UGT1A3: variants seen among roughly 807,000 people sequenced by gnomAD.
UGT1A3 encodes UDP-glucuronosyltransferase 1A3.
UGT1A3 carries 31 observed loss-of-function variants against 41.0 expected under a neutral mutation model. The observed-to-expected ratio is 0.76, with a 90% CI of 0.57 to 1.02. UGT1A3 has a LOEUF of 1.02. UGT1A3 is among the 50% of genes least tolerant of loss of function. UGT1A3 has a pLI of 0.00. For missense variants in UGT1A3, 737 were observed against 671.0 expected (o/e 1.10, Z -1.09); for synonymous variants, 262 against 257.6 (o/e 1.02, Z -0.17).
At chr2:233,761,128 C>T in intron 1 of UGT1A3, 1 of 1,614,190 alleles carries the variant, frequency 6.2e-7, no homozygotes, top group Non-Finnish European at 8.5e-7. Context: ...AATCAACTGC[C>T]TTCACCAAAA....
intron 1 of UGT1A3, chr2:233,754,408 C>G (rs1318751129): frequency 8.8e-6 from 3 of 340,794 alleles, no homozygotes; most frequent in African/African-American, 6.4e-5. Flanking sequence ...GCAGTCCCAA[C>G]AATAAAGACA....
At chr2:233,756,874 G>C (rs1221596581) in intron 1 of UGT1A3, among the ~76,000 whole-genome samples, 1 of 152,098 alleles carries the variant, frequency 6.6e-6, no homozygotes, top group Non-Finnish European at 1.5e-5. Context: ...GGTATTAGGT[G>C]TAATGAGGAT....
Position 233,737,701 on chromosome 2 carries a change from G to A in UGT1A3, c.867+7708G>A, listed in dbSNP as rs28898624. On this transcript the variant is annotated intron_variant, in intron 1 of 4. Transcript: ENST00000482026. ...TTTGGCCATTGGTGCTGAAGCTTCC[G>A]TTCTCCTCTCCAACACCTCCTTTTT... 9.9e-3 allele frequency among the ~76,000 whole-genome samples: 1,506 copies of A among 152,128 alleles called. 21 individuals carry two copies. Among genetic ancestry groups the A allele is most frequent in the African/African-American group, 0.034 (1,429 of 41,486 alleles).
intron 1 of UGT1A3, chr2:233,738,880 T>G (rs1690926968): frequency 6.6e-6 from 1 of 152,168 alleles, no homozygotes; most frequent in Admixed American, 6.5e-5. Context: ...CCAGGGCATG[T>G]CAGAGACCTT....
At chr2:233,742,446 G>A (rs1691980531) in intron 1 of UGT1A3, among the ~76,000 whole-genome samples, 1 of 151,938 alleles carries the variant, frequency 6.6e-6, no homozygotes, top group South Asian at 2.1e-4. Flanking sequence ...GGTGGGCCAG[G>A]TGTTCCTTGC....
Position 233,768,303 on chromosome 2 carries a change from A to C in UGT1A3, c.1171A>C (p.Met391Leu). The change falls in exon 4 of 5, where the codon ATG (methionine) becomes CTG (leucine). Residue 391 changes from methionine (M) to leucine (L), a missense_variant. Met to Leu is a conservative substitution (Grantham distance 15, BLOSUM62 2). Coordinates refer to ENST00000482026, the MANE Select transcript of UGT1A3 (RefSeq NM_019093.4). ...ESICNGVPMV[M>L]MPLFGDQMDN... ...CATATGCAATGGCGTTCCCATGGTG[A>C]TGATGCCCTTGTTTGGTGATCAGAT... 2 of 1,614,200 alleles carry C rather than the reference A, an allele frequency of 1.2e-6. No individual in the cohort carries two copies. Among genetic ancestry groups the C allele is most frequent in the Non-Finnish European group, 1.7e-6 (2 of 1,180,040 alleles).
chr2:233,758,652 G>A (rs1363541572), intron 1 of UGT1A3, among the ~76,000 whole-genome samples: 2 of 152,076 alleles, frequency 1.3e-5, no homozygotes, highest in Non-Finnish European at 2.9e-5. Context: ...GAATGAGAGG[G>A]TACCCTAATT....
chr2:233,735,799 G>A (rs61296714), intron 1 of UGT1A3, among the ~76,000 whole-genome samples: 5,119 of 152,182 alleles, frequency 0.034, 99 homozygotes, highest in African/African-American at 0.051. Context: ...GAATTTCTGG[G>A]TTGAAAATTC....
rs11568317 is a variant in UGT1A3 at position 233,757,117 on chromosome 2, A to G, written c.868-9917A>G. ...GAGGGAGGGGGCAAGCAGAAGGGCT[A>G]GAGAGGAGGAATGAGCTTGGACAGG... On this transcript the variant is annotated intron_variant, in intron 1 of 4. Transcript: ENST00000482026. Among the ~76,000 whole-genome samples, 108 of 151,324 alleles carry G rather than the reference A, an allele frequency of 7.1e-4. 1 individual carries two copies. In the East Asian group the frequency reaches 0.02, roughly 28 times the overall value.
intron 1 of UGT1A3, among the ~76,000 whole-genome samples, chr2:233,737,582 C>T (rs532884650): frequency 6.6e-6 from 1 of 152,312 alleles, no homozygotes; most frequent in Non-Finnish European, 1.5e-5. Context: ...CAACCAGTCC[C>T]AATGAGATGA....
intron 1 of UGT1A3, among the ~76,000 whole-genome samples, chr2:233,745,836 TTTC>T (rs746165208): frequency 1.3e-4 from 19 of 151,248 alleles, no homozygotes; most frequent in Admixed American, 7.2e-4. Flanking sequence ...GACTCTGAAT[TTTC>T]TTCTGTGCCC....
chr2:233,759,599 A>ACCCCCCCCCCCCCCC (rs1553620419), intron 1 of UGT1A3, among the ~76,000 whole-genome samples: 9 of 108,734 alleles, frequency 8.3e-5, no homozygotes, highest in African/African-American at 2.3e-4. Flanking sequence ...CCCACCCCCG[A>ACCCCCCCCCCCCCCC]CCCGCCCCAC....
chr2:233,745,632 G>A (rs1693165975), intron 1 of UGT1A3, among the ~76,000 whole-genome samples: 1 of 151,552 alleles, frequency 6.6e-6, no homozygotes, highest in Non-Finnish European at 1.5e-5. Flanking sequence ...GTCATAGAAA[G>A]CTGGCCGAGG....
At chr2:233,766,675 C>G (rs1309582394) in intron 1 of UGT1A3, among the ~76,000 whole-genome samples, 1 of 152,200 alleles carries the variant, frequency 6.6e-6, no homozygotes, top group Non-Finnish European at 1.5e-5. Context: ...CCCAGCTCTT[C>G]CCTTCTGTAT....
intron 1 of UGT1A3, among the ~76,000 whole-genome samples, chr2:233,738,562 T>C (rs1039423006): frequency 6.6e-6 from 1 of 152,186 alleles, no homozygotes; most frequent in African/African-American, 2.4e-5. Context: ...AGATGAGGAA[T>C]CTGTTGAGAA....
At chr2:233,739,309 A>G (rs1691043770) in intron 1 of UGT1A3, among the ~76,000 whole-genome samples, 1 of 152,132 alleles carries the variant, frequency 6.6e-6, no homozygotes. Flanking sequence ...TGCCTAGTGG[A>G]GTTGTGAGAA....
chr2:233,766,546 G>A (rs1699179284), intron 1 of UGT1A3, among the ~76,000 whole-genome samples: 1 of 152,192 alleles, frequency 6.6e-6, no homozygotes, highest in Admixed American at 6.5e-5. Flanking sequence ...AAAAATGCCT[G>A]TCCTCACCTA....
chr2:233,755,506 C>T (rs1314328553), intron 1 of UGT1A3: 1 of 167,798 alleles, frequency 6.0e-6, no homozygotes, highest in Admixed American at 5.8e-5. Context: ...CAAGACCAGG[C>T]CCCGCCCACT....
intron 1 of UGT1A3, among the ~76,000 whole-genome samples, chr2:233,766,497 A>T (rs906652149): frequency 3.9e-5 from 6 of 152,128 alleles, no homozygotes; most frequent in Admixed American, 3.9e-4. Context: ...GTGGCAGGCC[A>T]GGGTGGTTTT....
Sources: allele counts gnomAD v4.1 joint callset (sites outside exome capture counted in the v4.1 genomes callset), GRCh38; gene constraint gnomAD v4.1.1; transcripts MANE v1.5; gene names NCBI Gene and HGNC (gene_info 2026-07-23, HGNC 2026-07-21).